Variants in EML1 observed in about 807,000 individuals in gnomAD.
The protein encoded by EML1 is EMAP like 1.
Under a neutral mutation model 110.4 loss-of-function variants are expected in EML1, and 27 were observed. The ratio of observed to expected loss-of-function variants is 0.24; its 90% CI spans 0.18 to 0.34. EML1 has a LOEUF of 0.34. Among genes scored for constraint, EML1 ranks in the 10% least tolerant of loss-of-function variants. The pLI, the probability that EML1 is intolerant of heterozygous loss-of-function variation, is 1.00. For missense variants in EML1, 741 were observed against 1,030.9 expected (o/e 0.72, Z 3.85); for synonymous variants, 344 against 385.8 (o/e 0.89, Z 1.27).
At chr14:99,865,141 A>G (rs761647750) in intron 2 of EML1, among the ~76,000 whole-genome samples, 9 of 152,206 alleles carry the variant, frequency 5.9e-5, no homozygotes, top group Admixed American at 6.5e-5. Context: ...CATAACGTAG[A>G]ATCAGTGGCA....
chr14:99,880,613 G>C (rs944016847), intron 4 of EML1, among the ~76,000 whole-genome samples: 2 of 152,148 alleles, frequency 1.3e-5, no homozygotes, highest in Non-Finnish European at 2.9e-5. Flanking sequence ...TCGCTCACTC[G>C]ACATGTCCAT....
intron 8 of EML1, 31 bp from the exon 9 acceptor site, chr14:99,900,898 A>G (rs757520122): frequency 6.3e-7 from 1 of 1,577,250 alleles, no homozygotes; most frequent in Non-Finnish European, 8.7e-7. Context: ...CACCATCACA[A>G]TTGATGGCTC....
intron 1 of EML1, among the ~76,000 whole-genome samples, chr14:99,834,952 T>C (rs1171457437): frequency 6.6e-6 from 1 of 152,082 alleles, no homozygotes; most frequent in Admixed American, 6.6e-5. Context: ...CCCTAGTAGC[T>C]GGGACTAGAG....
At chr14:99,803,106 C>T (rs1388561276) in intron 1 of EML1, among the ~76,000 whole-genome samples, 1 of 152,166 alleles carries the variant, frequency 6.6e-6, no homozygotes, top group Non-Finnish European at 1.5e-5. Context: ...GGCAGACTTT[C>T]CTGGGATCGT....
At chr14:99,853,392 C>CGGGAGGGGCGTGCCCGT (rs370321197) in intron 2 of EML1, among the ~76,000 whole-genome samples, 199 of 151,788 alleles carry the variant, frequency 1.3e-3, no homozygotes, top group African/African-American at 4.4e-3. Context: ...GGCATGCCCA[C>CGGGAGGGGCGTGCCCGT]GGGAGGGGTG....
chr14:99,925,137 A>G (rs2060210908), intron 17 of EML1, among the ~76,000 whole-genome samples: 1 of 152,182 alleles, frequency 6.6e-6, no homozygotes, highest in Admixed American at 6.5e-5. Context: ...AGAGTTTGTG[A>G]AAAGTTGGTG....
rs983336345 is a variant in EML1, at chr14:99,874,879, A to G, written c.384-3606A>G. 2.6e-6 allele frequency: 4 copies of G among 1,525,964 alleles called. No homozygotes were observed. In the African/African-American group the frequency reaches 4.1e-5, roughly 16 times the overall value. 94.5% of individuals were successfully genotyped at this position (1,525,964 alleles called of 1,614,324 possible). ...TATCAAAATACTTTTCCACGCTTTT[A>G]TTAATTGCACTCACATTTATTCTGC... On this transcript the variant is annotated intron_variant, in intron 3 of 21. Coordinates refer to ENST00000262233, the MANE Select transcript of EML1 (RefSeq NM_004434.3).
At chr14:99,788,562 T>C (rs1307537598), upstream of EML1, among the ~76,000 whole-genome samples, 2 of 152,132 alleles carry the variant, frequency 1.3e-5, no homozygotes. Flanking sequence ...TGTGCTCTGA[T>C]TGCACTTGTG....
rs2058384999 is a variant in EML1 at position 99,827,794 on chromosome 14, C to T, written c.68-23059C>T. Among the ~76,000 whole-genome samples, 1 of 152,162 alleles carries T rather than the reference C, an allele frequency of 6.6e-6. No individual in the cohort carries two copies. Among genetic ancestry groups the T allele is most frequent in the Non-Finnish European group, 1.5e-5 (1 of 68,022 alleles). Reference sequence around the variant, plus strand: ...CCAGCCTCCAGGATTGTTTAAGCCCCCCAGTCTGTAGTACTTTGTTATGGC... The same window carrying T: ...CCAGCCTCCAGGATTGTTTAAGCCCTCCAGTCTGTAGTACTTTGTTATGGC... On this transcript the variant is annotated intron_variant, in intron 1 of 21. Transcript: ENST00000262233. The surrounding 1 kb of genome is among the most constrained non-coding windows in gnomAD (Gnocchi z 4.4).
intron 1 of EML1, among the ~76,000 whole-genome samples, chr14:99,845,528 A>T (rs2058693696): frequency 6.6e-6 from 1 of 152,234 alleles, no homozygotes; most frequent in East Asian, 1.9e-4. Context: ...TAGTTCTAGG[A>T]GAGGAGGAGC....
chr14:99,915,095 G>T, intron 15 of EML1: 1 of 222,218 alleles, frequency 4.5e-6, no homozygotes, highest in Non-Finnish European at 8.7e-6. Context: ...TCTACATTTT[G>T]AGTTTGATGG....
At chr14:99,838,454 C>T (rs1868685712) in intron 1 of EML1, among the ~76,000 whole-genome samples, 1 of 152,176 alleles carries the variant, frequency 6.6e-6, no homozygotes, top group South Asian at 2.1e-4. Context: ...TTGCAATAGT[C>T]TCCATGTAAA....
intron 4 of EML1, among the ~76,000 whole-genome samples, chr14:99,889,489 C>T (rs2139979974): frequency 6.6e-6 from 1 of 152,142 alleles, no homozygotes; most frequent in South Asian, 2.1e-4. Context: ...AAAATGAAGG[C>T]AGGGGGCAAA....
intron 4 of EML1, chr14:99,883,240 G>C (rs942011725): frequency 9.2e-5 from 14 of 152,124 alleles, no homozygotes; most frequent in Admixed American, 8.5e-4. Flanking sequence ...ACTTGTTTTA[G>C]AAAATCTAGG....
intron 1 of EML1, among the ~76,000 whole-genome samples, chr14:99,809,891 GCC>G (rs2058046230): frequency 6.6e-6 from 1 of 152,200 alleles, no homozygotes; most frequent in Non-Finnish European, 1.5e-5. Flanking sequence ...TATGGTGTAT[GCC>G]CTGGACTTCC....
chr14:99,907,540 G>C (rs1015282890), intron 9 of EML1, 98 bp from the exon 10 acceptor site: 1 of 1,029,906 alleles, frequency 9.7e-7, no homozygotes, highest in Non-Finnish European at 1.5e-6. Context: ...CAATGTAGCA[G>C]ACTCTTTATT....
intron 3 of EML1, among the ~76,000 whole-genome samples, chr14:99,877,412 G>A (rs997452411): frequency 6.6e-6 from 1 of 152,088 alleles, no homozygotes; most frequent in Non-Finnish European, 1.5e-5. Context: ...CTGGGCTCTG[G>A]TTTACCCCTC....
intron 4 of EML1, among the ~76,000 whole-genome samples, chr14:99,887,653 G>T (rs78927354): frequency 6.6e-6 from 1 of 152,048 alleles, no homozygotes; most frequent in Admixed American, 6.6e-5. Flanking sequence ...GATGAATTAC[G>T]TAACACCTTG....
intron 1 of EML1, among the ~76,000 whole-genome samples, chr14:99,764,678 G>T (rs1299871315): frequency 6.6e-6 from 1 of 152,184 alleles, no homozygotes; most frequent in Admixed American, 6.5e-5. Flanking sequence ...AAGGAAAGGG[G>T]AGACAAGTCC....
Sources: gnomAD v4.1 joint callset for allele counts (sites outside exome capture counted in the v4.1 genomes callset) on GRCh38, gnomAD v4.1.1 for gene constraint, Gnocchi (gnomAD v3.1) non-coding constraint, MANE v1.5 for transcripts, NCBI Gene and HGNC (gene_info 2026-07-23, HGNC 2026-07-21) for gene names.